The following CCDC91 variants were observed in gnomAD, a reference collection of about 807,000 sequenced individuals.
CCDC91 encodes coiled-coil domain containing 91, also known as coiled-coil domain-containing protein 91.
Under a neutral mutation model 63.2 loss-of-function variants are expected in CCDC91, and 48 were observed. The observed-to-expected ratio is 0.76, with a 90% CI of 0.60 to 0.97. The LOEUF (loss-of-function observed/expected upper bound fraction) is 0.97. CCDC91 is among the 50% of genes least tolerant of loss of function. The probability of loss-of-function intolerance (pLI) is 0.00; values close to 1 mark genes in which losing one functional copy is unlikely to be tolerated. For missense variants in CCDC91, 500 were observed against 494.6 expected, an observed-to-expected ratio of 1.01 and a Z score of -0.10; for synonymous variants, 167 against 165.8, an observed-to-expected ratio of 1.01 and a Z score of -0.06.
intron 3 of CCDC91, chr12:28,302,787 C>A (rs1938221393): frequency 5.2e-6 from 1 of 190,966 alleles, no homozygotes; most frequent in Non-Finnish European, 9.7e-6. Flanking sequence ...TGTTGGACAA[C>A]TGAATGAAAC....
At chr12:28,463,827 A>G (rs1420002246) in intron 11 of CCDC91, among the ~76,000 whole-genome samples, 2 of 152,180 alleles carry the variant, frequency 1.3e-5, no homozygotes, top group Non-Finnish European at 2.9e-5. Context: ...AGATGGTGGA[A>G]TAGAAGGCTT....
chr12:28,450,301 C>A, intron 9 of CCDC91, 48 bp downstream of exon 9: 1 of 1,580,036 alleles, frequency 6.3e-7, no homozygotes, highest in Non-Finnish European at 8.7e-7. Context: ...TGTTCTGTTA[C>A]CTCAAATAAT....
intron 3 of CCDC91, among the ~76,000 whole-genome samples, chr12:28,264,901 G>A (rs915324000): frequency 2.7e-4 from 41 of 151,904 alleles, no homozygotes; most frequent in African/African-American, 8.7e-4. Context: ...CAAATGCCAT[G>A]ACCCGTGCAC....
intron 3 of CCDC91, among the ~76,000 whole-genome samples, chr12:28,283,798 C>A (rs1186000624): frequency 6.6e-6 from 1 of 151,996 alleles, no homozygotes; most frequent in Non-Finnish European, 1.5e-5. Flanking sequence ...TTGACTGTGA[C>A]CTGTCACATG....
intron 1 of CCDC91, among the ~76,000 whole-genome samples, chr12:28,254,965 G>T (rs1946350560): frequency 6.6e-6 from 1 of 151,952 alleles, no homozygotes; most frequent in Non-Finnish European, 1.5e-5. Flanking sequence ...TAGAGGCAGG[G>T]TTTCACCATG....
At chr12:28,521,129 C>G (rs533072822) in intron 12 of CCDC91, among the ~76,000 whole-genome samples, 84 of 152,030 alleles carry the variant, frequency 5.5e-4, no homozygotes, top group African/African-American at 1.3e-3. Flanking sequence ...GTAGCTTGAT[C>G]GCGATGGCAT....
intron 12 of CCDC91, among the ~76,000 whole-genome samples, chr12:28,509,857 T>G (rs1392227660): frequency 6.6e-6 from 1 of 151,950 alleles, no homozygotes; most frequent in Non-Finnish European, 1.5e-5. Flanking sequence ...TAGTCCAAAA[T>G]GTTTGGTAAG....
intron 1 of CCDC91, among the ~76,000 whole-genome samples, chr12:28,241,293 T>G (rs1289721465): frequency 5.3e-5 from 8 of 152,216 alleles, no homozygotes; most frequent in African/African-American, 1.9e-4. Context: ...TCCTTGGTCA[T>G]AAAACAAATT....
chr12:28,353,837 A>G (rs970769957), intron 6 of CCDC91, among the ~76,000 whole-genome samples: 2 of 152,152 alleles, frequency 1.3e-5, no homozygotes, highest in African/African-American at 4.8e-5. Context: ...TGAGCACACA[A>G]CTGTTGGAAA....
chr12:28,497,727 C>T (rs1488575627), intron 12 of CCDC91, among the ~76,000 whole-genome samples: 1 of 151,552 alleles, frequency 6.6e-6, no homozygotes, highest in Non-Finnish European at 1.5e-5. Flanking sequence ...ATACCTTGTA[C>T]TAGGAGCATA....
intron 8 of CCDC91, among the ~76,000 whole-genome samples, chr12:28,436,033 G>C (rs888049931): frequency 1.3e-5 from 2 of 151,044 alleles, no homozygotes; most frequent in South Asian, 2.1e-4. Flanking sequence ...AGCCTTTTTT[G>C]CTCCACTCTG....
At chr12:28,282,045 A>G (rs1055972731) in intron 3 of CCDC91, among the ~76,000 whole-genome samples, 6 of 152,200 alleles carry the variant, frequency 3.9e-5, no homozygotes, top group African/African-American at 1.4e-4. Context: ...AAAGGTAGAA[A>G]TGTACATATA....
intron 1 of CCDC91, among the ~76,000 whole-genome samples, chr12:28,240,632 G>C (rs528589499): frequency 7.9e-5 from 12 of 151,956 alleles, no homozygotes; most frequent in African/African-American, 2.9e-4. Context: ...TGACCTTTTG[G>C]GATTGGCTTT....
chr12:28,229,059 C>T (rs966306238), intron 1 of CCDC91, among the ~76,000 whole-genome samples: 5 of 152,044 alleles, frequency 3.3e-5, no homozygotes, highest in African/African-American at 1.2e-4. Context: ...TCCCTCTTCT[C>T]AGGGAGGTGT....
intron 8 of CCDC91, among the ~76,000 whole-genome samples, chr12:28,425,664 C>T (rs1265447336): frequency 2.0e-5 from 3 of 152,156 alleles, no homozygotes; most frequent in Non-Finnish European, 4.4e-5. Flanking sequence ...ACTCTGACAC[C>T]TGACACTTGA....
intron 8 of CCDC91, among the ~76,000 whole-genome samples, chr12:28,401,857 C>G (rs571524462): frequency 6.6e-6 from 1 of 152,154 alleles, no homozygotes; most frequent in South Asian, 2.1e-4. Context: ...TGTATGTTTT[C>G]CTAGGTTAAG....
intron 1 of CCDC91, among the ~76,000 whole-genome samples, chr12:28,231,662 C>T (rs1310081762): frequency 6.6e-6 from 1 of 151,764 alleles, no homozygotes; most frequent in Non-Finnish European, 1.5e-5. Flanking sequence ...CATGTTTTTA[C>T]CCCCTCCTTT....
At chr12:28,256,785 G>C (rs1946487747) in intron 1 of CCDC91, 1 of 154,660 alleles carries the variant, frequency 6.5e-6, no homozygotes, top group Non-Finnish European at 1.4e-5. Context: ...TGAAACCGAG[G>C]GAAGAACCTT....
At chr12:28,443,944 T>A (rs1949365954) in intron 8 of CCDC91, among the ~76,000 whole-genome samples, 1 of 152,180 alleles carries the variant, frequency 6.6e-6, no homozygotes, top group African/African-American at 2.4e-5. Flanking sequence ...GTAACAATAG[T>A]TTGCAGAACC....
Sources: allele counts gnomAD v4.1 joint callset (sites outside exome capture counted in the v4.1 genomes callset), GRCh38; gene constraint gnomAD v4.1.1; transcripts MANE v1.5; gene names NCBI Gene and HGNC (gene_info 2026-07-23, HGNC 2026-07-21).